CACNA2D3: variants seen among roughly 807,000 people sequenced by gnomAD.
CACNA2D3 encodes the protein calcium voltage-gated channel auxiliary subunit alpha2delta 3.
In CACNA2D3, 60 loss-of-function variants were observed where a neutral mutation model predicts 160.6. That is an observed-to-expected ratio of 0.37 (90% CI 0.30 to 0.46). The LOEUF (loss-of-function observed/expected upper bound fraction) is 0.46. Ranked by LOEUF, CACNA2D3 falls within the 20% of genes least tolerant of loss-of-function variation. The pLI is 1.00. For missense variants in CACNA2D3, 1,205 were observed against 1,365.0 expected (o/e 0.88, Z 1.85); for synonymous variants, 558 against 492.9 (o/e 1.13, Z -1.75).
intron 2 of CACNA2D3, among the ~76,000 whole-genome samples, chr3:54,312,155 C>T (rs978892406): frequency 2.0e-5 from 3 of 152,214 alleles, no homozygotes; most frequent in Non-Finnish European, 2.9e-5. Context: ...TATTTCAGGT[C>T]GCAGACTTCA....
chr3:54,319,027 T>C (rs1397436295), intron 2 of CACNA2D3, among the ~76,000 whole-genome samples: 1 of 152,160 alleles, frequency 6.6e-6, no homozygotes, highest in Non-Finnish European at 1.5e-5. Context: ...ATTCTCTCTT[T>C]ACATTCGTTG....
intron 2 of CACNA2D3, among the ~76,000 whole-genome samples, chr3:54,286,576 G>T (rs535291261): frequency 1.3e-4 from 20 of 152,238 alleles, no homozygotes; most frequent in African/African-American, 4.8e-4. Context: ...GAAATACAGA[G>T]AACGCCACAA....
At chr3:54,543,110 T>TA (rs1702007162) in intron 5 of CACNA2D3, among the ~76,000 whole-genome samples, 1 of 152,178 alleles carries the variant, frequency 6.6e-6, no homozygotes, top group Admixed American at 6.5e-5. Flanking sequence ...TCCCTTCAAA[T>TA]ACTCTAGGTA....
intron 9 of CACNA2D3, among the ~76,000 whole-genome samples, chr3:54,627,470 A>AGT: frequency 6.6e-6 from 1 of 152,098 alleles, no homozygotes; most frequent in Admixed American, 6.6e-5. Context: ...GGAGCGGGAG[A>AGT]GTAGGGGTAG....
At chr3:54,964,984 T>C (rs568168379) in intron 27 of CACNA2D3, among the ~76,000 whole-genome samples, 48 of 152,258 alleles carry the variant, frequency 3.2e-4, no homozygotes, top group African/African-American at 1.1e-3. Flanking sequence ...GTGGGCTTTC[T>C]AAAAATATAA....
At chr3:54,556,050 A>C (rs1024595195) in intron 5 of CACNA2D3, among the ~76,000 whole-genome samples, 1 of 152,214 alleles carries the variant, frequency 6.6e-6, no homozygotes, top group Non-Finnish European at 1.5e-5. Context: ...TGCTCTTATT[A>C]AACTCAGATT....
intron 3 of CACNA2D3, chr3:54,367,520 C>G (rs1232469566): frequency 4.0e-6 from 1 of 252,620 alleles, no homozygotes; most frequent in African/African-American, 2.3e-5. Context: ...GTCCCTAGTT[C>G]AGAGAGAGTG....
chr3:54,529,951 T>C (rs560202252), intron 5 of CACNA2D3, among the ~76,000 whole-genome samples: 1 of 152,272 alleles, frequency 6.6e-6, no homozygotes, highest in South Asian at 2.1e-4. Context: ...GGAATGTGTG[T>C]TGGAAATGGA....
intron 31 of CACNA2D3, among the ~76,000 whole-genome samples, chr3:55,002,086 G>C (rs1702989807): frequency 6.6e-6 from 1 of 151,676 alleles, no homozygotes; most frequent in African/African-American, 2.4e-5. Flanking sequence ...AACCTGGGAG[G>C]CAGAGGTTGC....
chr3:54,544,396 CT>C (rs796305037), intron 5 of CACNA2D3, among the ~76,000 whole-genome samples: 9,361 of 135,204 alleles, frequency 0.069, 836 homozygotes, highest in African/African-American at 0.23. Context: ...CCAAACTAGC[CT>C]TTTTTTTTTT....
chr3:54,164,059 C>T (rs12635465), intron 2 of CACNA2D3, among the ~76,000 whole-genome samples: 39,226 of 152,068 alleles, frequency 0.26, 5,165 homozygotes, highest in East Asian at 0.35. Context: ...GTTTGAACAT[C>T]ATGTAGCAGT....
chr3:54,204,313 ATGTG>A (rs370763995), intron 2 of CACNA2D3, among the ~76,000 whole-genome samples: 1 of 151,950 alleles, frequency 6.6e-6, no homozygotes, highest in African/African-American at 2.4e-5. Flanking sequence ...ATGGAAATAT[ATGTG>A]TGTGTGTGTA....
chr3:54,768,622 A>G lies in CACNA2D3; in HGVS notation c.1380+4271A>G, dbSNP rs537444689. On this transcript the variant is annotated intron_variant, in intron 13 of 37. Transcript: ENST00000474759. ...GAAAGTCTCTGAAGTCTTTTGCTTTATCTTAAACATTTGCACAAATTTTAC... is the reference window on the plus strand; with the variant it reads ...GAAAGTCTCTGAAGTCTTTTGCTTTGTCTTAAACATTTGCACAAATTTTAC... Among the ~76,000 whole-genome samples, 86 of 152,322 alleles carry G rather than the reference A, an allele frequency of 5.6e-4. No individual in the cohort carries two copies. The Middle Eastern group carries it at 0.01, about 18-fold the overall frequency.
intron 27 of CACNA2D3, among the ~76,000 whole-genome samples, chr3:54,923,755 G>A (rs1303444342): frequency 6.6e-6 from 1 of 152,164 alleles, no homozygotes. Flanking sequence ...CATGCCTTCT[G>A]TTCTCACCTG....
chr3:55,043,555 G>C (rs1704007183), intron 35 of CACNA2D3, among the ~76,000 whole-genome samples: 1 of 151,666 alleles, frequency 6.6e-6, no homozygotes, highest in African/African-American at 2.4e-5. Flanking sequence ...GTATATTCTA[G>C]ATACAAATCC....
intron 2 of CACNA2D3, among the ~76,000 whole-genome samples, chr3:54,179,607 A>G (rs903484097): frequency 1.3e-5 from 2 of 152,214 alleles, no homozygotes; most frequent in Non-Finnish European, 2.9e-5. Flanking sequence ...ATTCATATTT[A>G]TATGTTAAAA....
At chr3:54,687,128 TTTTTTTGTTTTTTTTTTTTTTTG>T (rs1700471117) in intron 11 of CACNA2D3, among the ~76,000 whole-genome samples, 1 of 55,250 alleles carries the variant, frequency 1.8e-5, no homozygotes, top group Non-Finnish European at 4.0e-5. Context: ...TTTCTTTTTT[TTTTTTTGTTTTTTTTTTTTTTTG>T]TTTTTTTGAC....
At position 54,736,087 on chromosome 3, in the gene CACNA2D3, GTGTATATATATACATATATA is replaced by G. The variant is rs1267254830; in HGVS notation, c.1168-16490_1168-16471del. ...TATATATATATACATATATATGTAT[GTGTATATATATACATATATA>G]TGTATATATATACATATATATATGT... On this transcript the variant is annotated intron_variant, in intron 11 of 37. Transcript: ENST00000474759. 3.7e-3 allele frequency among the ~76,000 whole-genome samples: 74 copies of G among 20,184 alleles called. 1 individual carries two copies. The highest frequency in any genetic ancestry group is 0.012 in the African/African-American group (71 of 6,148). The allele number at this position is 20,184 out of a possible 152,430, so 13.2% of individuals were successfully genotyped here.
At chr3:54,363,220 A>G (rs1035280284) in intron 3 of CACNA2D3, among the ~76,000 whole-genome samples, 5 of 151,260 alleles carry the variant, frequency 3.3e-5, no homozygotes, top group African/African-American at 1.2e-4. Context: ...AGAATGTGCA[A>G]CATCAATCAC....
Sources: allele counts gnomAD v4.1 joint callset (sites outside exome capture counted in the v4.1 genomes callset), GRCh38; gene constraint gnomAD v4.1.1; transcripts MANE v1.5; gene names NCBI Gene and HGNC (gene_info 2026-07-23, HGNC 2026-07-21).